The following SLC9A7 variants were observed in gnomAD, a reference collection of about 807,000 sequenced individuals.
SLC9A7 encodes the protein sodium/hydrogen exchanger 7.
In SLC9A7, 19 loss-of-function variants were observed where a neutral mutation model predicts 52.6. That is an observed-to-expected ratio of 0.36 (90% CI 0.25 to 0.53). SLC9A7 has a LOEUF of 0.53. Among genes scored for constraint, SLC9A7 ranks in the 20% least tolerant of loss-of-function variants. SLC9A7 has a pLI of 0.91. For synonymous variants in SLC9A7, 226 were observed against 252.1 expected (o/e 0.90, Z 0.98); for missense variants, 455 against 597.9 (o/e 0.76, Z 2.49).
intron 1 of SLC9A7, among the ~76,000 whole-genome samples, chrX:46,747,555 T>A (rs1306945160): frequency 9.0e-6 from 1 of 111,245 alleles, no homozygotes; most frequent in African/African-American, 3.3e-5. Context: ...CCTACATGAT[T>A]AAAAAAGCAA....
intron 7 of SLC9A7, among the ~76,000 whole-genome samples, chrX:46,657,691 C>T (rs1389537871): frequency 9.0e-6 from 1 of 111,170 alleles, no homozygotes; most frequent in Non-Finnish European, 1.9e-5. Flanking sequence ...AATATATATG[C>T]ACCCAATACA....
At chrX:46,628,398 T>G (rs1569503793) in intron 14 of SLC9A7, among the ~76,000 whole-genome samples, 4 of 112,244 alleles carry the variant, frequency 3.6e-5, no homozygotes, top group Non-Finnish European at 7.5e-5. Flanking sequence ...TGTTTTTTGT[T>G]TTTTGTTTTT....
At position 46,758,944 on chromosome X, in the gene SLC9A7, A is replaced by AGCAGCAGCG. The variant is rs782420123; in HGVS notation, c.77_85dup (p.Pro26_Leu28dup). 8.2e-6 allele frequency: 9 copies of AGCAGCAGCG among 1,092,496 alleles called. No homozygotes were observed. Among genetic ancestry groups the AGCAGCAGCG allele is most frequent in the East Asian group, 3.8e-5 (1 of 26,205 alleles). 90.0% of individuals were successfully genotyped at this position (1,092,496 alleles called of 1,213,427 possible). On this transcript the variant is annotated inframe_insertion, in exon 1 of 17. Transcript: ENST00000616978. ...GGCCGCGACTCGCAGCCCCCAACCCAGCAGCAGCGGCAGCAGCAGCAGCCG... is the reference window on the plus strand; with the variant it reads ...GGCCGCGACTCGCAGCCCCCAACCCAGCAGCAGCGGCAGCAGCGGCAGCAGCAGCAGCCG...
chrX:46,610,882 T>C (rs1012380093), intron 16 of SLC9A7, among the ~76,000 whole-genome samples: 2 of 112,732 alleles, frequency 1.8e-5, no homozygotes, highest in Non-Finnish European at 3.7e-5. Flanking sequence ...ATAAGGTTTT[T>C]ATAAAGTTTT....
At chrX:46,691,354 T>C (rs184918223) in intron 1 of SLC9A7, among the ~76,000 whole-genome samples, 121 of 112,256 alleles carry the variant, frequency 1.1e-3, no homozygotes, top group Non-Finnish European at 1.8e-3. Flanking sequence ...TTCTAAGGCA[T>C]TATTTGTTGC....
intron 1 of SLC9A7, among the ~76,000 whole-genome samples, chrX:46,732,187 T>C (rs1021333067): frequency 1.8e-5 from 2 of 111,074 alleles, no homozygotes; most frequent in African/African-American, 6.6e-5. Context: ...GATTGTGCCA[T>C]TGCACTCCAG....
At position 46,744,120 on chromosome X, in the gene SLC9A7, T is replaced by C. The variant is rs1038923978; in HGVS notation, c.325+14585A>G. Among the ~76,000 whole-genome samples, 16 of 112,557 alleles carry C rather than the reference T, an allele frequency of 1.4e-4. No homozygotes were observed. In the East Asian group the frequency reaches 4.4e-3, roughly 31 times the overall value. On this transcript the variant is annotated intron_variant, in intron 1 of 16. Coordinates refer to ENST00000616978, the MANE Select transcript of SLC9A7 (RefSeq NM_001257291.2). ...TTCCCACGGTTACCTCTTGACCAAATACAGCTGCTGGAGCTCTAGCCATTA... is the reference window on the plus strand; with the variant it reads ...TTCCCACGGTTACCTCTTGACCAAACACAGCTGCTGGAGCTCTAGCCATTA...
chrX:46,713,841 T>C (rs192285851), intron 1 of SLC9A7, among the ~76,000 whole-genome samples: 4 of 110,364 alleles, frequency 3.6e-5, no homozygotes, highest in Non-Finnish European at 7.6e-5. Flanking sequence ...TCAAAACGTT[T>C]TGGAGAAGTG....
intron 7 of SLC9A7, among the ~76,000 whole-genome samples, chrX:46,655,695 A>T (rs763278802): frequency 8.9e-6 from 1 of 112,547 alleles, no homozygotes; most frequent in South Asian, 3.6e-4. Context: ...AGGAGATTAT[A>T]TCCCGCACAT....
intron 1 of SLC9A7, among the ~76,000 whole-genome samples, chrX:46,726,073 A>G (rs1382301170): frequency 9.0e-6 from 1 of 111,089 alleles, no homozygotes; most frequent in African/African-American, 3.3e-5. Context: ...TAGAAGAATT[A>G]AATGAGTTAA....
At chrX:46,708,364 C>A (rs970734764) in intron 1 of SLC9A7, among the ~76,000 whole-genome samples, 2 of 109,840 alleles carry the variant, frequency 1.8e-5, no homozygotes, top group African/African-American at 6.6e-5. Context: ...CCTAGCTGTA[C>A]TAAAAATACA....
intron 14 of SLC9A7, among the ~76,000 whole-genome samples, chrX:46,623,240 G>C (rs1293497025): frequency 8.9e-6 from 1 of 111,863 alleles, no homozygotes; most frequent in Non-Finnish European, 1.9e-5. Flanking sequence ...CCGGACTGAG[G>C]AAGGGTCACT....
At chrX:46,713,281 T>C (rs924875826) in intron 1 of SLC9A7, among the ~76,000 whole-genome samples, 8 of 109,331 alleles carry the variant, frequency 7.3e-5, no homozygotes, top group Non-Finnish European at 1.5e-4. Flanking sequence ...GGGTGGATCA[T>C]CTGAGCTCAG....
chrX:46,599,265 C>CTT lies in SLC9A7; in HGVS notation c.*7685_*7686dup, dbSNP rs888229487. 9.0e-6 allele frequency: 1 copy of CTT among 110,948 alleles called. No homozygotes were observed. Among genetic ancestry groups the CTT allele is most frequent in the African/African-American group, 3.3e-5 (1 of 30,467 alleles). 9.1% of individuals were successfully genotyped at this position (110,948 alleles called of 1,213,427 possible). The stretch of plus-strand genomic sequence containing the variant: ...AATGAGCCTAGTCATGCCAATAAAA[C>CTT]TTTATTTACAAAAAAAGGCAGTGGG... On this transcript the variant is annotated 3_prime_UTR_variant, in exon 17 of 17. Coordinates refer to ENST00000616978, the MANE Select transcript of SLC9A7 (RefSeq NM_001257291.2).
intron 1 of SLC9A7, among the ~76,000 whole-genome samples, chrX:46,732,284 G>T (rs1241110088): frequency 9.1e-6 from 1 of 110,177 alleles, no homozygotes; most frequent in Non-Finnish European, 1.9e-5. Flanking sequence ...GGGCATGGTG[G>T]CTCATGCCTG....
At chrX:46,612,736 G>C in intron 16 of SLC9A7, among the ~76,000 whole-genome samples, 2 of 108,061 alleles carry the variant, frequency 1.9e-5, no homozygotes, top group Middle Eastern at 4.7e-3. Flanking sequence ...GACCAGCCTG[G>C]CCAACATGGT....
At chrX:46,751,713 G>A (rs781810975) in intron 1 of SLC9A7, among the ~76,000 whole-genome samples, 3 of 110,967 alleles carry the variant, frequency 2.7e-5, no homozygotes, top group East Asian at 2.8e-4. Flanking sequence ...AGGAGGCTGA[G>A]GTGGGAGGAT....
intron 1 of SLC9A7, among the ~76,000 whole-genome samples, chrX:46,752,476 T>C (rs1442023338): frequency 9.0e-6 from 1 of 111,494 alleles, no homozygotes; most frequent in Admixed American, 9.6e-5. Flanking sequence ...TCCTTTGACG[T>C]TGACTTTTTG....
At chrX:46,626,903 T>C (rs1014903356) in intron 14 of SLC9A7, among the ~76,000 whole-genome samples, 32 of 112,241 alleles carry the variant, frequency 2.9e-4, no homozygotes, top group African/African-American at 1.0e-3. Flanking sequence ...CTTTTCTTCA[T>C]AAATTACCCA....
Sources: gnomAD v4.1 joint callset for allele counts (sites outside exome capture counted in the v4.1 genomes callset) on GRCh38, gnomAD v4.1.1 for gene constraint, MANE v1.5 for transcripts, NCBI Gene and HGNC (gene_info 2026-07-23, HGNC 2026-07-21) for gene names.